Variants in CEP70 observed in about 807,000 individuals in gnomAD.
CEP70 encodes the protein centrosomal protein 70, also known as centrosomal protein of 70 kDa.
A neutral mutation model predicts 90.9 loss-of-function variants in CEP70; 70 were observed. That is an observed-to-expected ratio of 0.77 (90% CI 0.64 to 0.94). CEP70 has a LOEUF of 0.94. Among genes scored for constraint, CEP70 ranks in the 40% least tolerant of loss-of-function variants. The probability of loss-of-function intolerance (pLI) is 0.00; values close to 1 mark genes in which losing one functional copy is unlikely to be tolerated. For synonymous variants in CEP70, 220 were observed against 228.3 expected (o/e 0.96, Z 0.33); for missense variants, 648 against 669.0 (o/e 0.97, Z 0.35).
chr3:138,513,160 C>T lies in CEP70; in HGVS notation c.945-4616G>A, dbSNP rs1029416331. ...GATCTCTTGCAGGGAAAGCTGTCCT[C>T]TCCACACCAGACATGATGCACAGCC... On this transcript the variant is annotated intron_variant, in intron 11 of 17. Coordinates refer to ENST00000264982, the MANE Select transcript of CEP70 (RefSeq NM_024491.4). 2.0e-5 allele frequency among the ~76,000 whole-genome samples: 3 copies of T among 152,230 alleles called. 1 individual carries two copies.
At chr3:138,562,029 A>T (rs2040444885) in intron 6 of CEP70, among the ~76,000 whole-genome samples, 1 of 151,746 alleles carries the variant, frequency 6.6e-6, no homozygotes, top group Non-Finnish European at 1.5e-5. Context: ...TCTCAAAAAA[A>T]AAAAAAAAAG....
chr3:138,535,056 AAGT>A (rs2038143854), intron 7 of CEP70, among the ~76,000 whole-genome samples: 1 of 152,144 alleles, frequency 6.6e-6, no homozygotes, highest in African/African-American at 2.4e-5. Context: ...GCCACACAGA[AAGT>A]AGAACTCAAA....
At position 138,569,101 on chromosome 3, in the gene CEP70, A is replaced by C. The variant is rs57918029; in HGVS notation, c.465+1217T>G. On this transcript the variant is annotated intron_variant, in intron 6 of 17. Transcript: ENST00000264982. ...CTCTGAAACTATGGTCAATACCAGCAGCTCTACTACTGCCTGCCCCAAGCT... is the reference window on the plus strand; with the variant it reads ...CTCTGAAACTATGGTCAATACCAGCCGCTCTACTACTGCCTGCCCCAAGCT... Among the ~76,000 whole-genome samples, 943 of 152,324 alleles carry C rather than the reference A, an allele frequency of 6.2e-3. 13 individuals are homozygous for C. The highest frequency in any genetic ancestry group is 0.021 in the African/African-American group (882 of 41,572).
At chr3:138,563,409 A>G (rs949672305) in intron 6 of CEP70, among the ~76,000 whole-genome samples, 3 of 152,212 alleles carry the variant, frequency 2.0e-5, no homozygotes, top group African/African-American at 4.8e-5. Flanking sequence ...TCTCAGCACC[A>G]CATCACACTT....
rs2041163541 is a variant in CEP70, at chr3:138,571,368, G to C, written c.70-12C>G. On this transcript the variant is annotated splice_polypyrimidine_tract_variant and intron_variant, in intron 3 of 17. Coordinates refer to ENST00000264982, the MANE Select transcript of CEP70 (RefSeq NM_024491.4). ...TCTGCTTCTTCCTGCTACAATTACA[G>C]AAAGAGAAGAAAGGGTTAACTTTAG... The C allele has an allele frequency of 1.3e-6, 2 of 1,518,764 alleles. No homozygotes were observed. Among genetic ancestry groups the C allele is most frequent in the Non-Finnish European group, 1.8e-6 (2 of 1,098,924 alleles). 94.1% of individuals were successfully genotyped at this position (1,518,764 alleles called of 1,614,324 possible). A position where few individuals can be genotyped will look rare whatever the true frequency, so the allele number is the denominator to read the frequency against.
intron 2 of CEP70, among the ~76,000 whole-genome samples, chr3:138,586,841 G>A (rs2108269840): frequency 6.6e-6 from 1 of 152,212 alleles, no homozygotes; most frequent in African/African-American, 2.4e-5. Context: ...TAATTGGATT[G>A]TTTCTAACAC....
chr3:138,520,440 A>G (rs948746719), intron 11 of CEP70, among the ~76,000 whole-genome samples: 3 of 152,052 alleles, frequency 2.0e-5, no homozygotes, highest in African/African-American at 4.8e-5. Context: ...GAAGTAAAGC[A>G]CTCCTCAGCA....
chr3:138,566,531 A>G (rs2040801189), intron 6 of CEP70, among the ~76,000 whole-genome samples: 2 of 151,884 alleles, frequency 1.3e-5, no homozygotes, highest in South Asian at 4.2e-4. Flanking sequence ...GAATCTGGAA[A>G]CCATTATTCT....
At chr3:138,521,043 C>T (rs1454612191) in intron 11 of CEP70, among the ~76,000 whole-genome samples, 2 of 152,192 alleles carry the variant, frequency 1.3e-5, no homozygotes, top group Admixed American at 6.5e-5. Flanking sequence ...CTCCTGACCT[C>T]GAGTGATCTG....
At chr3:138,542,478 CAT>C (rs1001558000) in intron 6 of CEP70, among the ~76,000 whole-genome samples, 1 of 152,238 alleles carries the variant, frequency 6.6e-6, no homozygotes, top group Non-Finnish European at 1.5e-5. Context: ...TCAGGTGGCA[CAT>C]GTTTCAGCCC....
At chr3:138,552,007 G>A (rs902173616) in intron 6 of CEP70, among the ~76,000 whole-genome samples, 3 of 152,124 alleles carry the variant, frequency 2.0e-5, no homozygotes, top group African/African-American at 4.8e-5. Flanking sequence ...GGACAAAAGC[G>A]AGTAGGAGTA....
intron 10 of CEP70, among the ~76,000 whole-genome samples, chr3:138,528,208 C>G (rs917194736): frequency 1.3e-5 from 2 of 151,914 alleles, no homozygotes; most frequent in Non-Finnish European, 2.9e-5. Context: ...CCACACCCAG[C>G]TAATTTTTAT....
At chr3:138,583,539 G>A (rs2041968526) in intron 2 of CEP70, among the ~76,000 whole-genome samples, 1 of 152,046 alleles carries the variant, frequency 6.6e-6, no homozygotes, top group Non-Finnish European at 1.5e-5. Flanking sequence ...TCCCAAGGAT[G>A]GACCATATGT....
chr3:138,499,146 C>T (rs75961703), intron 16 of CEP70, among the ~76,000 whole-genome samples: 3,212 of 152,152 alleles, frequency 0.021, 115 homozygotes, highest in African/African-American at 0.073. Context: ...CTTTTAAAAG[C>T]ACCAAGTGTC....
intron 2 of CEP70, among the ~76,000 whole-genome samples, chr3:138,587,390 A>G (rs981250738): frequency 6.6e-6 from 1 of 152,082 alleles, no homozygotes; most frequent in Non-Finnish European, 1.5e-5. Flanking sequence ...AAGAAAACTA[A>G]AACAACAGAA....
chr3:138,538,830 T>C (rs561043376), intron 6 of CEP70, among the ~76,000 whole-genome samples: 123 of 152,192 alleles, frequency 8.1e-4, no homozygotes, highest in Non-Finnish European at 1.1e-3. Context: ...GTTTTTTACT[T>C]CTTCTTGAGC....
chr3:138,514,394 T>C (rs1163746819), intron 11 of CEP70, among the ~76,000 whole-genome samples: 4 of 152,212 alleles, frequency 2.6e-5, no homozygotes, highest in African/African-American at 7.2e-5. Context: ...CTCTAACAGA[T>C]TGCCTGTAAT....
chr3:138,525,644 A>G (rs1414080727), intron 10 of CEP70, 80 bp from the exon 11 acceptor site: 1 of 599,798 alleles, frequency 1.7e-6, no homozygotes, highest in East Asian at 3.2e-5. Context: ...ACGACATACA[A>G]AACTTTGTTA....
At chr3:138,511,524 A>G (rs2035536623) in intron 11 of CEP70, among the ~76,000 whole-genome samples, 1 of 152,238 alleles carries the variant, frequency 6.6e-6, no homozygotes, top group African/African-American at 2.4e-5. Context: ...TTGTTTGCAA[A>G]TCTGATTAAT....
Sources: allele counts gnomAD v4.1 joint callset (sites outside exome capture counted in the v4.1 genomes callset), GRCh38; gene constraint gnomAD v4.1.1; transcripts MANE v1.5; gene names NCBI Gene and HGNC (gene_info 2026-07-23, HGNC 2026-07-21).